The following LARGE1 variants were observed in gnomAD, a reference collection of about 807,000 sequenced individuals.
The protein encoded by LARGE1 is xylosyl- and glucuronyltransferase LARGE1.
A neutral mutation model predicts 87.6 loss-of-function variants in LARGE1; 43 were observed. The observed-to-expected ratio is 0.49, with a 90% CI of 0.38 to 0.63. LARGE1 has a LOEUF of 0.63. Among genes scored for constraint, LARGE1 ranks in the 30% least tolerant of loss-of-function variants. LARGE1 has a pLI of 0.00. For missense variants in LARGE1, 802 were observed against 1,000.2 expected, an observed-to-expected ratio of 0.80 and a Z score of 2.67; for synonymous variants, 434 against 394.6, an observed-to-expected ratio of 1.10 and a Z score of -1.18.
rs569059083 is a variant in LARGE1 at position 33,346,044 on chromosome 22, G to A, written c.1132-8243C>T. 2.2e-4 allele frequency among the ~76,000 whole-genome samples: 34 copies of A among 152,206 alleles called. No individual in the cohort carries two copies. In the South Asian group the frequency reaches 7.1e-3, roughly 32 times the overall value. On this transcript the variant is annotated intron_variant, in intron 9 of 14. Coordinates refer to ENST00000397394, the MANE Select transcript of LARGE1 (RefSeq NM_133642.5). ...TCTATGACCCACAGAATAACACCTAGCCTGATAGGTAGGCCTGATGCAAAC... is the reference window on the plus strand; with the variant it reads ...TCTATGACCCACAGAATAACACCTAACCTGATAGGTAGGCCTGATGCAAAC...
intron 1 of LARGE1, among the ~76,000 whole-genome samples, chr22:33,903,048 C>T (rs1293116290): frequency 6.6e-6 from 1 of 152,178 alleles, no homozygotes; most frequent in African/African-American, 2.4e-5. Context: ...AGGAGACACG[C>T]TTGAACCCGG....
intron 12 of LARGE1, among the ~76,000 whole-genome samples, chr22:33,295,840 G>A (rs1438726689): frequency 6.6e-6 from 1 of 152,200 alleles, no homozygotes; most frequent in African/African-American, 2.4e-5. Flanking sequence ...CTGAGAGCCA[G>A]ATGGGCTCAC....
chr22:33,763,868 T>C (rs929672249), intron 1 of LARGE1, among the ~76,000 whole-genome samples: 2 of 67,724 alleles, frequency 3.0e-5, no homozygotes, highest in African/African-American at 1.4e-4. Context: ...TTTTTTTTTT[T>C]GAGACAGAGA....
chr22:33,572,199 TAA>T (rs771746178), intron 5 of LARGE1: 2 of 1,290,922 alleles, frequency 1.5e-6, no homozygotes, highest in Non-Finnish European at 2.0e-6. Flanking sequence ...TTTAAAAAAT[TAA>T]AAAAAGAAGT....
chr22:33,864,117 T>C (rs1020327367), intron 1 of LARGE1, among the ~76,000 whole-genome samples: 4 of 152,160 alleles, frequency 2.6e-5, no homozygotes, highest in Non-Finnish European at 4.4e-5. Flanking sequence ...AGGTAGAGTC[T>C]TGACCTGACA....
chr22:33,843,065 C>A (rs2063328359), intron 1 of LARGE1, among the ~76,000 whole-genome samples: 1 of 152,190 alleles, frequency 6.6e-6, no homozygotes. Context: ...CCTAGCCTTC[C>A]TGGAAGACAT....
intron 6 of LARGE1, among the ~76,000 whole-genome samples, chr22:33,439,818 C>A (rs977880152): frequency 6.6e-6 from 1 of 152,108 alleles, no homozygotes; most frequent in Non-Finnish European, 1.5e-5. Context: ...TAGGTGTGAC[C>A]CCTACCTGTT....
chr22:33,073,469 A>G, the LARGE1 span, among the ~76,000 whole-genome samples: 2 of 152,176 alleles, frequency 1.3e-5, no homozygotes, highest in Non-Finnish European at 2.9e-5. Flanking sequence ...GAAGACCAAT[A>G]CATGGAATCC....
intron 1 of LARGE1, among the ~76,000 whole-genome samples, chr22:33,907,706 C>T (rs1232509293): frequency 1.3e-5 from 2 of 152,084 alleles, no homozygotes; most frequent in Non-Finnish European, 2.9e-5. Flanking sequence ...CCTCCTGAGC[C>T]TCCTGAGCCT....
the LARGE1 span, among the ~76,000 whole-genome samples, chr22:33,098,150 C>CA: frequency 3.3e-5 from 5 of 151,398 alleles, no homozygotes; most frequent in Non-Finnish European, 4.4e-5. Context: ...TACCAAAAGT[C>CA]AAAAAAAATT....
At chr22:33,228,960 T>C (rs922087002) in intron 11 of LARGE1, among the ~76,000 whole-genome samples, 7 of 152,140 alleles carry the variant, frequency 4.6e-5, no homozygotes, top group Non-Finnish European at 8.8e-5. Flanking sequence ...CCATTCCATC[T>C]ATGAAAAGGA....
At chr22:33,267,072 T>C (rs575540269) in intron 11 of LARGE1, among the ~76,000 whole-genome samples, 1 of 151,564 alleles carries the variant, frequency 6.6e-6, no homozygotes, top group East Asian at 1.9e-4. Flanking sequence ...AAACCCTGTA[T>C]CTAGTAAAAA....
chr22:33,167,577 T>C (rs1203290148), intron 11 of LARGE1, among the ~76,000 whole-genome samples: 2 of 152,206 alleles, frequency 1.3e-5, no homozygotes, highest in African/African-American at 4.8e-5. Context: ...AAGGTTCCTG[T>C]TGCATTTTAC....
intron 2 of LARGE1, among the ~76,000 whole-genome samples, chr22:33,756,390 G>T (rs909088173): frequency 6.6e-6 from 1 of 152,124 alleles, no homozygotes; most frequent in African/African-American, 2.4e-5. Flanking sequence ...ATAAAAACAA[G>T]AAAAATAAAG....
At chr22:33,625,876 A>T (rs1012351253) in intron 4 of LARGE1, among the ~76,000 whole-genome samples, 3 of 152,222 alleles carry the variant, frequency 2.0e-5, no homozygotes, top group Admixed American at 1.3e-4. Flanking sequence ...GGGCCTCACC[A>T]TAAGAATTGT....
intron 11 of LARGE1, among the ~76,000 whole-genome samples, chr22:33,205,056 G>A (rs528490554): frequency 1.3e-5 from 2 of 152,182 alleles, no homozygotes; most frequent in African/African-American, 4.8e-5. Flanking sequence ...AGCTTTACCA[G>A]TCTGTGTAGC....
In LARGE1 at chr22:33,316,142, T is replaced by C. The variant is rs747706205; in HGVS notation, c.1394A>G (p.Tyr465Cys). ...RTHLYFLHYE[Y>C]EPAADSTDVT... is the part of the protein sequence containing the mutation. ...GTCCGTGCTGTCTGCTGCAGGCTCA[T>C]ACTCGTAGTGCAGGAAGTACAGGTG... The change falls in exon 11 of 15, where the codon TAT becomes TGT. Residue 465 changes from tyrosine (Y) to cysteine (C), a missense_variant. Tyr to Cys is a radical substitution (Grantham distance 194, BLOSUM62 -2). This residue lies in a region of LARGE1 where 625 missense variants were observed against 841.9 expected (regional missense o/e 0.74). Coordinates refer to ENST00000397394, the MANE Select transcript of LARGE1 (RefSeq NM_133642.5). 5 of 1,614,080 alleles carry C rather than the reference T, an allele frequency of 3.1e-6. No homozygotes were observed. The South Asian group carries it at 4.4e-5, about 14-fold the overall frequency.
downstream of LARGE1, among the ~76,000 whole-genome samples, chr22:33,268,301 C>T (rs989961923): frequency 6.6e-6 from 1 of 151,060 alleles, no homozygotes; most frequent in Non-Finnish European, 1.5e-5. Context: ...TATCTTTTCT[C>T]CTTGCATATC....
intron 1 of LARGE1, among the ~76,000 whole-genome samples, chr22:33,886,879 C>T (rs950881590): frequency 6.6e-6 from 1 of 152,144 alleles, no homozygotes; most frequent in Non-Finnish European, 1.5e-5. Context: ...TCTTGTGAAG[C>T]TTCCAGTCCA....
Sources: gnomAD v4.1 joint callset for allele counts (sites outside exome capture counted in the v4.1 genomes callset) on GRCh38, gnomAD v4.1.1 for gene constraint, gnomAD v4.1.1 regional missense constraint, MANE v1.5 for transcripts, NCBI Gene and HGNC (gene_info 2026-07-23, HGNC 2026-07-21) for gene names.